The following MYO3B variants were observed in gnomAD, a reference collection of about 807,000 sequenced individuals.
MYO3B encodes the protein myosin IIIB.
A neutral mutation model predicts 174.6 loss-of-function variants in MYO3B; 156 were observed. The ratio of observed to expected loss-of-function variants is 0.89; its 90% CI spans 0.78 to 1.02. The LOEUF (loss-of-function observed/expected upper bound fraction) is 1.02. Ranked by LOEUF, MYO3B falls within the 50% of genes least tolerant of loss-of-function variation. The probability of loss-of-function intolerance (pLI) is 0.00; values close to 1 mark genes in which losing one functional copy is unlikely to be tolerated. For synonymous variants in MYO3B, 563 were observed against 569.1 expected (o/e 0.99, Z 0.15); for missense variants, 1,632 against 1,639.4 (o/e 1.00, Z 0.08).
intron 8 of MYO3B, among the ~76,000 whole-genome samples, chr2:170,368,567 T>C (rs2094215258): frequency 6.6e-6 from 1 of 152,120 alleles, no homozygotes; most frequent in African/African-American, 2.4e-5. Flanking sequence ...CACAGAAGAG[T>C]TTAAATGCAA....
intron 25 of MYO3B, among the ~76,000 whole-genome samples, chr2:170,476,771 G>T (rs1039324903): frequency 6.6e-6 from 1 of 151,996 alleles, no homozygotes; most frequent in African/African-American, 2.4e-5. Context: ...CTTATTTAGG[G>T]CCATGGGTAT....
At chr2:170,479,057 G>A (rs911711460) in intron 25 of MYO3B, among the ~76,000 whole-genome samples, 4 of 150,352 alleles carry the variant, frequency 2.7e-5, no homozygotes, top group Non-Finnish European at 1.5e-5. Flanking sequence ...GCCGAGGCGG[G>A]TGGATCACCT....
At chr2:170,632,806 C>A (rs1697124690) in intron 32 of MYO3B, among the ~76,000 whole-genome samples, 1 of 145,008 alleles carries the variant, frequency 6.9e-6, no homozygotes, top group South Asian at 2.3e-4. Flanking sequence ...CGGCATATCA[C>A]CACTGATCCC....
At chr2:170,229,072 C>T (rs73027127) in intron 6 of MYO3B, among the ~76,000 whole-genome samples, 6,667 of 151,502 alleles carry the variant, frequency 0.044, 476 homozygotes, top group African/African-American at 0.15. Context: ...GCTTATAACA[C>T]TTTAAGATGT....
rs2105982972 is a variant in MYO3B, at chr2:170,471,882, T to A, written c.3014+5171T>A. Among the ~76,000 whole-genome samples, 3 of 152,042 alleles carry A rather than the reference T, an allele frequency of 2.0e-5. No homozygotes were observed. In the South Asian group the frequency reaches 6.2e-4, roughly 32 times the overall value. On this transcript the variant is annotated intron_variant, in intron 25 of 34. Transcript: ENST00000408978. The stretch of plus-strand genomic sequence containing the variant: ...GGCACATGCCTGTAATCCCAACTAC[T>A]TGGGAGGCGGAGGCAGGAGAATTGC...
chr2:170,464,551 A>G (rs1318673722), intron 24 of MYO3B, among the ~76,000 whole-genome samples: 3 of 152,076 alleles, frequency 2.0e-5, no homozygotes, highest in Admixed American at 6.5e-5. Context: ...ATGGAAAGCT[A>G]GCAGGTGCAG....
intron 8 of MYO3B, among the ~76,000 whole-genome samples, chr2:170,339,623 GCCT>G (rs1199953730): frequency 1.3e-5 from 2 of 152,260 alleles, no homozygotes; most frequent in African/African-American, 4.8e-5. Context: ...TTTATTTCCA[GCCT>G]CCTTAATTTA....
rs1424211215 is a variant in MYO3B at position 170,652,979 on chromosome 2, GCAGCCAAAT to G, written c.3888-1_3895del. ...TGAAAATCCTGTTGTTTTCTTTGTT[GCAGCCAAAT>G]CAAAGTACTTGATGGGGAAGATGAA... On this transcript the variant is annotated splice_acceptor_variant and splice_polypyrimidine_tract_variant and coding_sequence_variant and intron_variant, in exon 35 of 35. Transcript: ENST00000408978. LOFTEE classifies it high-confidence loss of function. The G allele has an allele frequency of 1.2e-6, 2 of 1,613,162 alleles. No homozygotes were observed. The highest frequency in any genetic ancestry group is 3.3e-5 in the Admixed American group (2 of 59,780).
intron 32 of MYO3B, among the ~76,000 whole-genome samples, chr2:170,565,581 T>G (rs1692018771): frequency 6.6e-6 from 1 of 152,338 alleles, no homozygotes; most frequent in East Asian, 1.9e-4. Context: ...TTGTAGATAT[T>G]TCTTGTCAAC....
intron 3 of MYO3B, among the ~76,000 whole-genome samples, chr2:170,210,622 A>C (rs1401141217): frequency 6.6e-6 from 1 of 152,240 alleles, no homozygotes; most frequent in East Asian, 1.9e-4. Context: ...CAAGTTGAAA[A>C]GTTCTTAAAA....
At chr2:170,473,193 A>T (rs1575036742) in intron 25 of MYO3B, among the ~76,000 whole-genome samples, 1 of 117,384 alleles carries the variant, frequency 8.5e-6, no homozygotes, top group African/African-American at 3.2e-5. Context: ...CCTAGGCTGG[A>T]GTGTAGTGGG....
intron 32 of MYO3B, among the ~76,000 whole-genome samples, chr2:170,645,468 CAAA>C (rs55720994): frequency 4.5e-5 from 3 of 66,408 alleles, no homozygotes; most frequent in Non-Finnish European, 3.0e-5. Context: ...GGCTCCGTCT[CAAA>C]AAAAAAAAAA....
At chr2:170,637,264 C>T (rs554113110) in intron 32 of MYO3B, among the ~76,000 whole-genome samples, 99 of 150,880 alleles carry the variant, frequency 6.6e-4, no homozygotes, top group African/African-American at 2.3e-3. Flanking sequence ...CTCTGCCTCC[C>T]GGGTTCAAGC....
At position 170,355,950 on chromosome 2, in the gene MYO3B, T is replaced by A. The variant is rs1368651505; in HGVS notation, c.816-13272T>A. 1.3e-5 allele frequency among the ~76,000 whole-genome samples: 2 copies of A among 151,722 alleles called. 1 individual carries two copies. The highest frequency in any genetic ancestry group is 2.9e-5 in the Non-Finnish European group (2 of 67,922). On this transcript the variant is annotated intron_variant, in intron 8 of 34. Transcript: ENST00000408978. ...CATCAGTTTATTTATTTATTTATTA[T>A]TTATTTATTTTTATTTTATTTTATT...
intron 6 of MYO3B, among the ~76,000 whole-genome samples, chr2:170,220,699 A>G (rs1025815404): frequency 1.3e-5 from 2 of 151,486 alleles, no homozygotes; most frequent in African/African-American, 4.9e-5. Context: ...CTTTTTGCTC[A>G]GATTCCCTGG....
intron 8 of MYO3B, among the ~76,000 whole-genome samples, chr2:170,354,357 T>C (rs993854576): frequency 6.6e-6 from 1 of 152,178 alleles, no homozygotes; most frequent in Non-Finnish European, 1.5e-5. Flanking sequence ...TCCTAAAAGA[T>C]CCTTTGATGT....
chr2:170,329,552 T>G (rs1202486661), intron 7 of MYO3B, among the ~76,000 whole-genome samples: 1 of 149,820 alleles, frequency 6.7e-6, no homozygotes, highest in East Asian at 1.9e-4. Context: ...GGCTGATTTT[T>G]GTATTTTTTT....
intron 32 of MYO3B, among the ~76,000 whole-genome samples, chr2:170,595,200 A>G (rs545745445): frequency 5.3e-5 from 8 of 152,304 alleles, no homozygotes; most frequent in African/African-American, 1.9e-4. Context: ...TAAAGGTAGT[A>G]CATGCCAATC....
chr2:170,535,252 T>C (rs920045764), intron 30 of MYO3B, among the ~76,000 whole-genome samples: 1 of 152,194 alleles, frequency 6.6e-6, no homozygotes, highest in Non-Finnish European at 1.5e-5. Flanking sequence ...GAATGACTGA[T>C]GTCTGGGAGC....
Sources: gnomAD v4.1 joint callset for allele counts (sites outside exome capture counted in the v4.1 genomes callset) on GRCh38, gnomAD v4.1.1 for gene constraint, MANE v1.5 for transcripts, NCBI Gene and HGNC (gene_info 2026-07-23, HGNC 2026-07-21) for gene names.